The following JARID2 variants were observed in gnomAD, a reference collection of about 807,000 sequenced individuals.
JARID2 encodes jumonji and AT-rich interaction domain containing 2.
Under a neutral mutation model 125.6 loss-of-function variants are expected in JARID2, and 21 were observed. The observed-to-expected ratio is 0.17, with a 90% CI of 0.12 to 0.24. JARID2 has a LOEUF of 0.24. Among genes scored for constraint, JARID2 ranks in the 10% least tolerant of loss-of-function variants. The probability of loss-of-function intolerance (pLI) is 1.00; values close to 1 mark genes in which losing one functional copy is unlikely to be tolerated. For synonymous variants in JARID2, 736 were observed against 661.6 expected (o/e 1.11, Z -1.73); for missense variants, 1,303 against 1,639.6 (o/e 0.79, Z 3.55).
At chr6:15,304,265 C>A (rs1300680738) in intron 1 of JARID2, among the ~76,000 whole-genome samples, 1 of 146,062 alleles carries the variant, frequency 6.8e-6, no homozygotes, top group Non-Finnish European at 1.5e-5. Context: ...TTTCCTCCCT[C>A]CTGGAGCTGG....
intron 6 of JARID2, among the ~76,000 whole-genome samples, chr6:15,488,612 G>A (rs577354386): frequency 2.0e-5 from 3 of 152,214 alleles, no homozygotes; most frequent in Admixed American, 1.3e-4. Flanking sequence ...TTCGTCTTGC[G>A]GTAGAGGTGG....
At chr6:15,269,072 T>C (rs2127348696) in intron 1 of JARID2, among the ~76,000 whole-genome samples, 1 of 152,342 alleles carries the variant, frequency 6.6e-6, no homozygotes, top group South Asian at 2.1e-4. Flanking sequence ...TATCAAAAGA[T>C]GTGCTGAACC....
intron 9 of JARID2, among the ~76,000 whole-genome samples, chr6:15,506,688 A>G (rs1771019865): frequency 1.3e-5 from 2 of 152,178 alleles, no homozygotes; most frequent in Admixed American, 1.3e-4. Context: ...ATTTGTTTAG[A>G]TGGGACATAT....
At chr6:15,320,557 C>T (rs1327183869) in intron 1 of JARID2, among the ~76,000 whole-genome samples, 1 of 152,024 alleles carries the variant, frequency 6.6e-6, no homozygotes, top group Non-Finnish European at 1.5e-5. Flanking sequence ...ATTTTGAAAC[C>T]TACTGTAGTT....
chr6:15,321,742 A>T (rs551762037), intron 1 of JARID2, among the ~76,000 whole-genome samples: 15 of 147,136 alleles, frequency 1.0e-4, no homozygotes, highest in African/African-American at 3.7e-4. Context: ...ATAGAGTGTG[A>T]GTTAGAATAG....
At chr6:15,504,722 C>T (rs1770912172) in intron 9 of JARID2, 130 bp downstream of exon 9, 2 of 650,734 alleles carry the variant, frequency 3.1e-6, no homozygotes, top group Admixed American at 2.5e-5. Flanking sequence ...CTGAGTTCGT[C>T]CTCTGTGTTG....
chr6:15,412,826 ATGCC>A lies in JARID2; in HGVS notation c.323+2463_323+2466del, dbSNP rs551541789. On this transcript the variant is annotated intron_variant, in intron 3 of 17. Coordinates refer to ENST00000341776, the MANE Select transcript of JARID2 (RefSeq NM_004973.4). ...AACCTGTCTTCAACGCACATACAGA[ATGCC>A]TTTTCTAATAGGGTAATGGAATGTG... is the stretch of plus-strand genomic sequence containing the variant. Among the ~76,000 whole-genome samples the A allele has an allele frequency of 3.9e-4, 60 of 152,174 alleles. 1 individual carries two copies. Among genetic ancestry groups the A allele is most frequent in the African/African-American group, 1.4e-3 (58 of 41,492 alleles).
chr6:15,393,633 C>T (rs1348578566), intron 2 of JARID2, among the ~76,000 whole-genome samples: 2 of 152,178 alleles, frequency 1.3e-5, no homozygotes, highest in Non-Finnish European at 2.9e-5. Context: ...TTTATCGTTG[C>T]AGCACTTGGG....
At chr6:15,374,439 A>G (rs1764277483) in intron 2 of JARID2, among the ~76,000 whole-genome samples, 187 bp downstream of exon 2, 2 of 152,136 alleles carry the variant, frequency 1.3e-5, no homozygotes, top group Non-Finnish European at 2.9e-5. Flanking sequence ...GTGTTCCTTT[A>G]TGTACCGCGT....
At chr6:15,411,992 A>C (rs1765898808) in intron 3 of JARID2, among the ~76,000 whole-genome samples, 1 of 152,256 alleles carries the variant, frequency 6.6e-6, no homozygotes, top group Admixed American at 6.5e-5. Flanking sequence ...CCACAGTGTC[A>C]TGTGGCACCT....
At chr6:15,389,758 G>A (rs531289602) in intron 2 of JARID2, among the ~76,000 whole-genome samples, 1 of 152,276 alleles carries the variant, frequency 6.6e-6, no homozygotes, top group African/African-American at 2.4e-5. Context: ...ACCACACAAA[G>A]TGAGGTCGAA....
intron 1 of JARID2, among the ~76,000 whole-genome samples, chr6:15,327,698 T>C (rs920146160): frequency 1.3e-5 from 2 of 152,130 alleles, no homozygotes; most frequent in Non-Finnish European, 2.9e-5. Flanking sequence ...ATCTCTGGGG[T>C]AAAACAGCAG....
chr6:15,516,430 AGTGAGGGTCTCTGTCCCAGCACTCTCCT>A (rs1394712426), intron 16 of JARID2, among the ~76,000 whole-genome samples: 9 of 152,322 alleles, frequency 5.9e-5, no homozygotes, highest in Non-Finnish European at 8.8e-5. Flanking sequence ...ACAGGCCCCC[AGTGAGGGTCTCTGTCCCAGCACTCTCCT>A]GTGGCCTCAG....
intron 5 of JARID2, among the ~76,000 whole-genome samples, chr6:15,472,664 T>C (rs1769133245): frequency 6.6e-6 from 1 of 152,132 alleles, no homozygotes; most frequent in African/African-American, 2.4e-5. Context: ...AGGGGAAGTT[T>C]GGTGGGGGGA....
Position 15,369,353 on chromosome 6 carries a change from A to T in JARID2, c.46-4764A>T, listed in dbSNP as rs1239181052. 7.0e-6 allele frequency: 3 copies of T among 430,308 alleles called. No homozygotes were observed. In the East Asian group the frequency reaches 1.7e-4, roughly 25 times the overall value. The allele number at this position is 430,308 out of a possible 1,614,324, so 26.7% of individuals were successfully genotyped here. ...CCATATACAAGTTTGATTCCTGACC[A>T]ATTGCTCTTTTTGATAAGAAATTCT... On this transcript the variant is annotated intron_variant, in intron 1 of 17. Coordinates refer to ENST00000341776, the MANE Select transcript of JARID2 (RefSeq NM_004973.4).
intron 2 of JARID2, among the ~76,000 whole-genome samples, chr6:15,379,824 G>A (rs1385447471): frequency 1.3e-5 from 2 of 152,154 alleles, no homozygotes; most frequent in African/African-American, 4.8e-5. Context: ...GGAAGCATGA[G>A]GATATAAGAC....
At chr6:15,299,133 T>C (rs1761515532) in intron 1 of JARID2, among the ~76,000 whole-genome samples, 1 of 152,178 alleles carries the variant, frequency 6.6e-6, no homozygotes, top group African/African-American at 2.4e-5. Flanking sequence ...CCGACATTTG[T>C]CAAACTTCAC....
At chr6:15,424,062 C>A (rs551116668) in intron 3 of JARID2, among the ~76,000 whole-genome samples, 1 of 152,046 alleles carries the variant, frequency 6.6e-6, no homozygotes, top group Non-Finnish European at 1.5e-5. Flanking sequence ...CATCTGAGCC[C>A]GCATTCCTAA....
At chr6:15,461,654 A>G (rs1768455023) in intron 4 of JARID2, among the ~76,000 whole-genome samples, 1 of 152,264 alleles carries the variant, frequency 6.6e-6, no homozygotes, top group South Asian at 2.1e-4. Flanking sequence ...ACCTATGGAA[A>G]GAATGACAGT....
Sources: allele counts gnomAD v4.1 joint callset (sites outside exome capture counted in the v4.1 genomes callset), GRCh38; gene constraint gnomAD v4.1.1; transcripts MANE v1.5; gene names NCBI Gene and HGNC (gene_info 2026-07-23, HGNC 2026-07-21).